AAK1: variants seen among roughly 807,000 people sequenced by gnomAD.
The protein encoded by AAK1 is AP2 associated kinase 1.
A neutral mutation model predicts 116.0 loss-of-function variants in AAK1; 37 were observed. That is an observed-to-expected ratio of 0.32 (90% CI 0.25 to 0.42). The LOEUF (loss-of-function observed/expected upper bound fraction) is 0.42. AAK1 is among the 10% of genes least tolerant of loss of function. The pLI is 1.00. For missense variants in AAK1, 919 were observed against 1,170.6 expected (o/e 0.79, Z 3.14); for synonymous variants, 458 against 439.9 (o/e 1.04, Z -0.51).
intron 2 of AAK1, among the ~76,000 whole-genome samples, chr2:69,589,708 CAAAA>C (rs762986666): frequency 1.7e-5 from 1 of 58,692 alleles, no homozygotes; most frequent in African/African-American, 5.3e-5. Flanking sequence ...AACTCTGTCT[CAAAA>C]AAAAAAAAAA....
At chr2:69,510,794 A>T (rs1676363221) in intron 13 of AAK1, among the ~76,000 whole-genome samples, 1 of 152,220 alleles carries the variant, frequency 6.6e-6, no homozygotes, top group Non-Finnish European at 1.5e-5. Context: ...TAGTGGGATT[A>T]ACTTGTTTCA....
chr2:69,550,117 G>A (rs569962730), intron 3 of AAK1, among the ~76,000 whole-genome samples: 1 of 152,190 alleles, frequency 6.6e-6, no homozygotes, highest in Admixed American at 6.5e-5. Flanking sequence ...CAGATGTCTG[G>A]TGAGTGTCCT....
chr2:69,611,402 C>G (rs1674074529), intron 2 of AAK1, among the ~76,000 whole-genome samples: 1 of 152,222 alleles, frequency 6.6e-6, no homozygotes. Context: ...CGGCCTCAGA[C>G]TGGGGGCTGC....
chr2:69,616,347 G>A (rs1674327225), intron 2 of AAK1, among the ~76,000 whole-genome samples: 1 of 152,010 alleles, frequency 6.6e-6, no homozygotes. Flanking sequence ...CTTTAAAATG[G>A]TTAATTATGT....
intron 17 of AAK1, among the ~76,000 whole-genome samples, chr2:69,488,885 C>T (rs1675406976): frequency 6.6e-6 from 1 of 152,046 alleles, no homozygotes; most frequent in Admixed American, 6.5e-5. Context: ...CTGAAGTTCT[C>T]TTATGGACAA....
Position 69,532,077 on chromosome 2 carries a change from G to A in AAK1, c.620C>T (p.Thr207Ile). 2.5e-6 allele frequency: 4 copies of A among 1,613,616 alleles called. No homozygotes were observed. Among genetic ancestry groups the A allele is most frequent in the Non-Finnish European group, 2.5e-6 (3 of 1,179,608 alleles). ...SATNKFQNPQ[T>I]EGVNAVEDEI... ...ATCTTCTACTGCATTGACTCCCTCAGTTTGTGGATTCTGGAATTTGTTGGT... is the reference window on the plus strand; with the variant it reads ...ATCTTCTACTGCATTGACTCCCTCAATTTGTGGATTCTGGAATTTGTTGGT... Residue 207 changes from threonine to isoleucine, a missense_variant, in exon 6 of 22, where the codon ACT becomes ATT. By Grantham distance (89) the Thr-to-Ile change is moderately conservative (BLOSUM62 -1). Coordinates refer to ENST00000409085, the MANE Select transcript of AAK1 (RefSeq NM_014911.5).
chr2:69,571,376 G>C (rs903588239), intron 2 of AAK1, among the ~76,000 whole-genome samples: 1 of 152,212 alleles, frequency 6.6e-6, no homozygotes, highest in Non-Finnish European at 1.5e-5. Flanking sequence ...GACAGACAGA[G>C]AGGCAGACAG....
intron 16 of AAK1, among the ~76,000 whole-genome samples, chr2:69,503,560 C>T (rs955522509): frequency 6.6e-6 from 1 of 152,148 alleles, no homozygotes; most frequent in Non-Finnish European, 1.5e-5. Context: ...CACGCTGTTG[C>T]CCAGGCTAGA....
chr2:69,482,787 A>G lies in AAK1; in HGVS notation c.2391T>C (p.Ser797=), dbSNP rs6721259. Residue 797 remains serine, a synonymous_variant, in exon 18 of 22, where the codon TCT becomes TCC. Coordinates refer to ENST00000409085, the MANE Select transcript of AAK1 (RefSeq NM_014911.5). ...CAGGGAGCAGAAGAGAAGTGTCAGG[A>G]GATTTGAGTCCCTCAATTAGTTTTT... is the stretch of plus-strand genomic sequence containing the variant. ...APEKLIEGLK[S]PDTSLLLPDL... is the part of the protein sequence containing the mutation. 0.17 allele frequency: 266,146 copies of G among 1,611,842 alleles called. 23,455 individuals are homozygous for G. The highest frequency in any genetic ancestry group is 0.2 in the African/African-American group (14,671 of 74,946).
chr2:69,560,645 ATTT>A (rs201310365), intron 2 of AAK1, among the ~76,000 whole-genome samples: 1 of 151,854 alleles, frequency 6.6e-6, no homozygotes, highest in Non-Finnish European at 1.5e-5. Flanking sequence ...AATATGTAGG[ATTT>A]TTTTTTATGT....
Position 69,475,170 on chromosome 2 carries a change from G to A in AAK1, c.*699C>T, listed in dbSNP as rs79085930. 2.9e-4 allele frequency: 290 copies of A among 985,846 alleles called. 3 individuals are homozygous for A. The East Asian group carries it at 0.025, about 86-fold the overall frequency. 61.1% of individuals were successfully genotyped at this position (985,846 alleles called of 1,614,324 possible). On this transcript the variant is annotated 3_prime_UTR_variant, in exon 22 of 22. Coordinates refer to ENST00000409085, the MANE Select transcript of AAK1 (RefSeq NM_014911.5). ...CACGTCTCCAGATCTGAGAAATCACGGTTCAATGGAAGCCAGAAAGCTGGA... is the reference window on the plus strand; with the variant it reads ...CACGTCTCCAGATCTGAGAAATCACAGTTCAATGGAAGCCAGAAAGCTGGA...
intron 2 of AAK1, among the ~76,000 whole-genome samples, chr2:69,623,772 CT>C (rs201980440): frequency 0.015 from 2,289 of 152,068 alleles, 60 homozygotes; most frequent in African/African-American, 0.051. Flanking sequence ...CCAAGGATGG[CT>C]GCCAACAAAA....
intron 2 of AAK1, among the ~76,000 whole-genome samples, chr2:69,582,396 T>TGCGTGTGTGTGC (rs892596995): frequency 4.7e-5 from 7 of 149,630 alleles, no homozygotes; most frequent in Non-Finnish European, 7.4e-5. Context: ...CGTGTGTGTG[T>TGCGTGTGTGTGC]GCGTGTGTGT....
chr2:69,522,802 T>G (rs934171956), intron 10 of AAK1, among the ~76,000 whole-genome samples: 1 of 130,948 alleles, frequency 7.6e-6, no homozygotes, highest in African/African-American at 3.2e-5. Flanking sequence ...AGACTCCATC[T>G]CAAAAAAAAA....
chr2:69,581,749 G>A (rs1672555974), intron 2 of AAK1, among the ~76,000 whole-genome samples: 1 of 152,122 alleles, frequency 6.6e-6, no homozygotes, highest in Non-Finnish European at 1.5e-5. Flanking sequence ...GGCTGAAGTG[G>A]GAAGATCACT....
intron 2 of AAK1, among the ~76,000 whole-genome samples, chr2:69,562,323 T>A (rs1572959506): frequency 1.3e-5 from 2 of 152,286 alleles, no homozygotes; most frequent in African/African-American, 2.4e-5. Context: ...TCCCTATAGA[T>A]CCTTCAACAT....
rs1248570063 is a variant in AAK1 at position 69,465,237 on chromosome 2, T to C, written c.*10632A>G. 3.2e-5 allele frequency: 13 copies of C among 404,952 alleles called. No homozygotes were observed. The highest frequency in any genetic ancestry group is 4.9e-5 in the Non-Finnish European group (12 of 245,534). The allele number at this position is 404,952 out of a possible 1,614,324, so 25.1% of individuals were successfully genotyped here. A position where few individuals can be genotyped will look rare whatever the true frequency, so the allele number is the denominator to read the frequency against. On this transcript the variant is annotated 3_prime_UTR_variant, in exon 22 of 22. Transcript: ENST00000409085. ...ACAAACAAACAAACAAAAATGAACA[T>C]AACTTAAAGGGGCTTCAACTAAATA...
In AAK1 at chr2:69,475,979, T is replaced by G; in HGVS notation, c.2792-16A>C. 2 of 1,605,640 alleles carry G rather than the reference T, an allele frequency of 1.2e-6. No individual in the cohort carries two copies. Among genetic ancestry groups the G allele is most frequent in the Non-Finnish European group, 1.7e-6 (2 of 1,176,016 alleles). ...GAGTGCCCACCTGGAAGTGGAGAGA[T>G]AGGAATTCAGTACAAAACATAGAGG... is the stretch of plus-strand genomic sequence containing the variant. On this transcript the variant is annotated splice_polypyrimidine_tract_variant and intron_variant, in intron 21 of 21. Coordinates refer to ENST00000409085, the MANE Select transcript of AAK1 (RefSeq NM_014911.5).
At chr2:69,522,827 A>C (rs1669848891) in intron 10 of AAK1, among the ~76,000 whole-genome samples, 1 of 152,222 alleles carries the variant, frequency 6.6e-6, no homozygotes. Context: ...GAGGAAAAAA[A>C]GAAAAAGCCA....
Sources: gnomAD v4.1 joint callset for allele counts (sites outside exome capture counted in the v4.1 genomes callset) on GRCh38, gnomAD v4.1.1 for gene constraint, MANE v1.5 for transcripts, NCBI Gene and HGNC (gene_info 2026-07-23, HGNC 2026-07-21) for gene names.